SH3BP4: variants seen among roughly 807,000 people sequenced by gnomAD.
SH3BP4 encodes the protein SH3 domain-binding protein 4.
In SH3BP4, 33 loss-of-function variants were observed where a neutral mutation model predicts 65.5. The ratio of observed to expected loss-of-function variants is 0.50; its 90% CI spans 0.38 to 0.67. The LOEUF is 0.67. Ranked by LOEUF, SH3BP4 falls within the 30% of genes least tolerant of loss-of-function variation. The pLI is 0.00. For missense variants in SH3BP4, 1,134 were observed against 1,261.4 expected, an observed-to-expected ratio of 0.90 and a Z score of 1.53; for synonymous variants, 552 against 545.5, an observed-to-expected ratio of 1.01 and a Z score of -0.17.
intron 1 of SH3BP4, chr2:234,983,302 C>G (rs1342362971): frequency 6.6e-6 from 1 of 152,242 alleles, no homozygotes; most frequent in African/African-American, 2.4e-5. Flanking sequence ...TATGGGTACT[C>G]TATAAATCAT....
In SH3BP4 at chr2:234,982,195, C is replaced by T. The variant is rs143171120; in HGVS notation, c.-206-13108C>T. On this transcript the variant is annotated intron_variant, in intron 1 of 5. Transcript: ENST00000392011. ...CCCGGCCCAGCTACACTTTGAAGCC[C>T]GCTCTGTCCTGGTCTCTGGTGGTGC... Among the ~76,000 whole-genome samples the T allele has an allele frequency of 1.3e-3, 196 of 152,316 alleles. 4 individuals are homozygous for T. The South Asian group carries it at 0.028, about 21-fold the overall frequency.
Position 235,034,917 on chromosome 2 carries a change from TG to T in SH3BP4, c.-85del. 1.7e-6 allele frequency: 2 copies of T among 1,169,448 alleles called. No homozygotes were observed. The highest frequency in any genetic ancestry group is 1.9e-5 in the Admixed American group (1 of 53,838). The allele number at this position is 1,169,448 out of a possible 1,614,324, so 72.4% of individuals were successfully genotyped here. Reference sequence around the variant, plus strand: ...GATGCCGCCGCGCAGCGTGTTTGCTTGAGGCAGAAGCTTCAGCATCTGCTGG... The same window carrying T: ...GATGCCGCCGCGCAGCGTGTTTGCTTAGGCAGAAGCTTCAGCATCTGCTGG... On this transcript the variant is annotated 5_prime_UTR_variant, in exon 3 of 6. It removes the in-frame stop codon of an upstream open reading frame in the 5' UTR. Transcript: ENST00000392011. This position sits in a 1 kb window ranked among gnomAD's most constrained non-coding sequence, Gnocchi z 6.2.
Position 235,031,179 on chromosome 2 carries a change from G to A in SH3BP4, c.-132-3692G>A, listed in dbSNP as rs547964555. 1.4e-4 allele frequency among the ~76,000 whole-genome samples: 22 copies of A among 152,210 alleles called. 1 individual carries two copies. Among genetic ancestry groups the A allele is most frequent in the Admixed American group, 6.5e-4 (10 of 15,288 alleles). On this transcript the variant is annotated intron_variant, in intron 2 of 5. Transcript: ENST00000392011. ...GGGACTTCCCTGCTTGGCTTCTCTCGGCCTGAAAAGGGGAGAGGGTGGCAG... is the reference window on the plus strand; with the variant it reads ...GGGACTTCCCTGCTTGGCTTCTCTCAGCCTGAAAAGGGGAGAGGGTGGCAG...
rs1026752477 is a variant in SH3BP4 at position 235,034,272 on chromosome 2, T to G, written c.-132-599T>G. Among the ~76,000 whole-genome samples the G allele has an allele frequency of 6.6e-6, 1 of 152,222 alleles. No homozygotes were observed. The highest frequency in any genetic ancestry group is 2.4e-5 in the African/African-American group (1 of 41,458). On this transcript the variant is annotated intron_variant, in intron 2 of 5. Transcript: ENST00000392011. This position sits in a 1 kb window ranked among gnomAD's most constrained non-coding sequence, Gnocchi z 6.2. ...TAAATATGCCCTGGTTTCATCTGCA[T>G]ACGTTGCATTGAGAATACCTTATGG... is the stretch of plus-strand genomic sequence containing the variant.
At chr2:235,018,280 G>A (rs919473036) in intron 2 of SH3BP4, among the ~76,000 whole-genome samples, 19 of 152,154 alleles carry the variant, frequency 1.2e-4, no homozygotes, top group African/African-American at 4.6e-4. Flanking sequence ...AGGGGATTGG[G>A]CAGGGGGCTT....
chr2:235,025,448 T>G (rs562713397), intron 2 of SH3BP4, among the ~76,000 whole-genome samples: 12 of 152,292 alleles, frequency 7.9e-5, no homozygotes, highest in African/African-American at 2.4e-4. Flanking sequence ...CGGGTCCTGC[T>G]TTCCCTTGTG....
intron 2 of SH3BP4, among the ~76,000 whole-genome samples, chr2:235,011,333 C>G (rs1437822003): frequency 2.0e-5 from 3 of 152,202 alleles, no homozygotes; most frequent in African/African-American, 7.2e-5. Context: ...TTATGTGGCC[C>G]TCTTCTGTCT....
intron 4 of SH3BP4, among the ~76,000 whole-genome samples, chr2:235,050,201 C>T (rs1294464130): frequency 4.6e-5 from 7 of 151,988 alleles, no homozygotes; most frequent in Non-Finnish European, 5.9e-5. Context: ...CTACAAGCTC[C>T]GCCTCCCGGG....
rs991130833 is a variant in SH3BP4 at position 235,045,698 on chromosome 2, A to C, written c.2478+2451A>C. Among the ~76,000 whole-genome samples, 7 of 149,574 alleles carry C rather than the reference A, an allele frequency of 4.7e-5. No homozygotes were observed. Among genetic ancestry groups the C allele is most frequent in the Non-Finnish European group, 7.4e-5 (5 of 67,438 alleles). On this transcript the variant is annotated intron_variant, in intron 4 of 5. Transcript: ENST00000392011. This position sits in a 1 kb window ranked among gnomAD's most constrained non-coding sequence, Gnocchi z 4.3. ...GATTTCTCCCAGGTCGTTTATTAGG[A>C]GACCCTGAAAACTGGCTGTTCTATT...
rs942788375 is a variant in SH3BP4, at chr2:235,046,046, C to G, written c.2478+2799C>G. Among the ~76,000 whole-genome samples the G allele has an allele frequency of 2.0e-5, 3 of 152,172 alleles. No individual in the cohort carries two copies. The highest frequency in any genetic ancestry group is 2.0e-4 in the Admixed American group (3 of 15,280). On this transcript the variant is annotated intron_variant, in intron 4 of 5. Coordinates refer to ENST00000392011, the MANE Select transcript of SH3BP4 (RefSeq NM_014521.3). This position sits in a 1 kb window ranked among gnomAD's most constrained non-coding sequence, Gnocchi z 4.2. ...CGTGTAAGATCTGGCCCTACCCATC[C>G]CAACCCTGGGGGCCACTGTGCTCTG...
intron 1 of SH3BP4, among the ~76,000 whole-genome samples, chr2:234,969,933 G>A (rs1447486069): frequency 6.9e-6 from 1 of 144,972 alleles, no homozygotes; most frequent in African/African-American, 2.6e-5. Flanking sequence ...ACACACATTT[G>A]CATACACACA....
chr2:234,983,108 G>A (rs1693440732), intron 1 of SH3BP4: 1 of 152,238 alleles, frequency 6.6e-6, no homozygotes, highest in South Asian at 2.1e-4. Context: ...GGGGCTGGGT[G>A]GGGATACAGA....
At position 235,041,751 on chromosome 2, in the gene SH3BP4, G is replaced by T; in HGVS notation, c.982G>T (p.Gly328Cys). 2 of 1,605,796 alleles carry T rather than the reference G, an allele frequency of 1.2e-6. No homozygotes were observed. Among genetic ancestry groups the T allele is most frequent in the Non-Finnish European group, 1.7e-6 (2 of 1,174,632 alleles). Residue 328 changes from glycine (G) to cysteine (C), a missense_variant, in exon 4 of 6, where the codon GGT (glycine) becomes TGT (cysteine). Gly to Cys is a radical substitution (Grantham distance 159). Transcript: ENST00000392011. The surrounding 1 kb of genome is among the most constrained non-coding windows in gnomAD (Gnocchi z 6.0). Reference protein sequence around the residue: ...NIVCKLDSSGGAVQLPDTSIS... With the variant: ...NIVCKLDSSGCAVQLPDTSIS... ...CGTGTGCAAGCTGGATAGCTCCGGG[G>T]GTGCTGTCCAGCTTCCTGACACCAG...
intron 1 of SH3BP4, among the ~76,000 whole-genome samples, chr2:234,993,484 A>G (rs1042469625): frequency 3.3e-5 from 5 of 152,210 alleles, no homozygotes; most frequent in African/African-American, 9.6e-5. Context: ...AAGAGGCACT[A>G]GGTTCTCAGA....
At chr2:235,003,279 C>T (rs1011351592) in intron 2 of SH3BP4, among the ~76,000 whole-genome samples, 1 of 152,222 alleles carries the variant, frequency 6.6e-6, no homozygotes, top group African/African-American at 2.4e-5. Context: ...GGAGAACTCT[C>T]CCCTGGCCAG....
rs112369492 is a variant in SH3BP4, at chr2:234,993,316, C to T, written c.-206-1987C>T. The stretch of plus-strand genomic sequence containing the variant: ...CAGTAGTAACTGCAGCCACTGGAGG[C>T]GGATACCCACTGAGGCTGTTCCCAT... On this transcript the variant is annotated intron_variant, in intron 1 of 5. Transcript: ENST00000392011. Among the ~76,000 whole-genome samples, 181 of 152,314 alleles carry T rather than the reference C, an allele frequency of 1.2e-3. 3 individuals carry two copies. Among genetic ancestry groups the T allele is most frequent in the African/African-American group, 4.1e-3 (171 of 41,566 alleles).
chr2:235,025,369 C>A (rs533777795), intron 2 of SH3BP4, among the ~76,000 whole-genome samples: 2 of 152,212 alleles, frequency 1.3e-5, no homozygotes, highest in Admixed American at 1.3e-4. Context: ...GGGCCCCCAC[C>A]CCTCTCCTGT....
chr2:235,017,045 C>CTTTTTT (rs995197698), intron 2 of SH3BP4, among the ~76,000 whole-genome samples: 243 of 88,006 alleles, frequency 2.8e-3, no homozygotes, highest in African/African-American at 4.1e-3. Context: ...GTTTGCCTTT[C>CTTTTTT]TTTTTTTTTT....
intron 1 of SH3BP4, among the ~76,000 whole-genome samples, chr2:234,961,858 C>T (rs1574773083): frequency 1.2e-5 from 1 of 80,258 alleles, no homozygotes; most frequent in Admixed American, 2.2e-4. Flanking sequence ...TCCTGAAGTT[C>T]CTGGAGGAGG....
Sources: allele counts gnomAD v4.1 joint callset (sites outside exome capture counted in the v4.1 genomes callset), GRCh38; gene constraint gnomAD v4.1.1; non-coding constraint Gnocchi (gnomAD v3.1); transcripts MANE v1.5; gene names NCBI Gene and HGNC (gene_info 2026-07-23, HGNC 2026-07-21).